The following SLC35F3 variants were observed in gnomAD, a reference collection of about 807,000 sequenced individuals.
The protein encoded by SLC35F3 is putative thiamine transporter SLC35F3.
SLC35F3 carries 25 observed loss-of-function variants against 49.9 expected under a neutral mutation model. The observed-to-expected ratio is 0.50, with a 90% CI of 0.37 to 0.70. The LOEUF is 0.70. Among genes scored for constraint, SLC35F3 ranks in the 30% least tolerant of loss-of-function variants. The pLI is 0.00. For synonymous variants in SLC35F3, 275 were observed against 265.4 expected, an observed-to-expected ratio of 1.04 and a Z score of -0.35; for missense variants, 525 against 639.8, an observed-to-expected ratio of 0.82 and a Z score of 1.94.
At chr1:234,086,989 T>A (rs533243525) in intron 2 of SLC35F3, among the ~76,000 whole-genome samples, 1 of 152,250 alleles carries the variant, frequency 6.6e-6, no homozygotes, top group Non-Finnish European at 1.5e-5. Context: ...TTTCATATTG[T>A]ATGCTGAGTC....
intron 2 of SLC35F3, among the ~76,000 whole-genome samples, chr1:233,997,428 A>T (rs1663479119): frequency 6.6e-6 from 1 of 152,128 alleles, no homozygotes; most frequent in Non-Finnish European, 1.5e-5. Context: ...CTTTTTGATG[A>T]TAGTCACTCT....
chr1:234,126,158 G>A (rs1475363885), intron 2 of SLC35F3, among the ~76,000 whole-genome samples: 1 of 152,052 alleles, frequency 6.6e-6, no homozygotes, highest in African/African-American at 2.4e-5. Flanking sequence ...CTGTTGCTGG[G>A]ACTATTTTCT....
chr1:234,136,256 TTCTG>T (rs926537764), intron 2 of SLC35F3, among the ~76,000 whole-genome samples: 67 of 122,008 alleles, frequency 5.5e-4, no homozygotes, highest in Admixed American at 3.1e-3. Context: ...CTCTTTCTTT[TTCTG>T]TCTTTCTTTC....
At chr1:234,041,593 C>CT (rs1664222699) in intron 2 of SLC35F3, among the ~76,000 whole-genome samples, 1 of 151,978 alleles carries the variant, frequency 6.6e-6, no homozygotes, top group Non-Finnish European at 1.5e-5. Context: ...CTGTGGCAGA[C>CT]TTAAAAGAAA....
At chr1:234,042,008 G>C (rs1664228988) in intron 2 of SLC35F3, among the ~76,000 whole-genome samples, 1 of 152,156 alleles carries the variant, frequency 6.6e-6, no homozygotes, top group South Asian at 2.1e-4. Context: ...CATGCATGTA[G>C]AAGTAGGCCA....
In SLC35F3 at chr1:234,251,426, A is replaced by G. The variant is rs538707936; in HGVS notation, c.608+19685A>G. Among the ~76,000 whole-genome samples, 8 of 150,438 alleles carry G rather than the reference A, an allele frequency of 5.3e-5. No individual in the cohort carries two copies. The South Asian group carries it at 1.7e-3, about 32-fold the overall frequency. ...TGGGAACAACAGCCAGGTAGAAACT[A>G]TATATATAGAAGAAAAGAGCCCATT... On this transcript the variant is annotated intron_variant, in intron 3 of 7. Transcript: ENST00000366618.
chr1:233,948,831 C>G (rs13376178), intron 2 of SLC35F3, among the ~76,000 whole-genome samples: 2 of 150,586 alleles, frequency 1.3e-5, no homozygotes, highest in African/African-American at 4.9e-5. Flanking sequence ...TTTGTTCTTG[C>G]GATAGTTTAC....
At chr1:234,155,395 G>GATGATGATTATT (rs113733876) in intron 2 of SLC35F3, among the ~76,000 whole-genome samples, 27 of 149,344 alleles carry the variant, frequency 1.8e-4, no homozygotes, top group African/African-American at 6.0e-4. Flanking sequence ...CTATTCACCT[G>GATGATGATTATT]ATTATTATTA....
chr1:234,036,839 G>A (rs891044113), intron 2 of SLC35F3, among the ~76,000 whole-genome samples: 26 of 152,178 alleles, frequency 1.7e-4, no homozygotes, highest in African/African-American at 6.3e-4. Context: ...AGTATAATTA[G>A]TTTGGTTCTC....
intron 2 of SLC35F3, among the ~76,000 whole-genome samples, chr1:234,224,930 C>G (rs1667263762): frequency 1.3e-5 from 2 of 152,224 alleles, no homozygotes; most frequent in African/African-American, 4.8e-5. Flanking sequence ...TTTTCCTTTA[C>G]CCACGGTCAA....
intron 2 of SLC35F3, among the ~76,000 whole-genome samples, chr1:233,962,175 A>T (rs1662815193): frequency 6.6e-6 from 1 of 152,244 alleles, no homozygotes; most frequent in Non-Finnish European, 1.5e-5. Flanking sequence ...GCATGTGCTT[A>T]CAGATATTTT....
chr1:234,035,987 G>A (rs1273807661), intron 2 of SLC35F3, among the ~76,000 whole-genome samples: 1 of 152,116 alleles, frequency 6.6e-6, no homozygotes, highest in African/African-American at 2.4e-5. Context: ...TTAGGAGCAG[G>A]GCACTATAAA....
chr1:233,919,693 A>G (rs899737734), intron 2 of SLC35F3, among the ~76,000 whole-genome samples: 20 of 151,952 alleles, frequency 1.3e-4, no homozygotes, highest in Non-Finnish European at 2.1e-4. Flanking sequence ...TTATCTTCCT[A>G]TTATATTTTG....
chr1:234,062,666 T>A (rs1418173374), intron 2 of SLC35F3, among the ~76,000 whole-genome samples: 1 of 152,024 alleles, frequency 6.6e-6, no homozygotes, highest in African/African-American at 2.4e-5. Context: ...TTCTTTTCTT[T>A]CATCCATGAG....
At position 234,315,171 on chromosome 1, in the gene SLC35F3, C is replaced by T. The variant is rs761075015; in HGVS notation, c.829-1431C>T. Among the ~76,000 whole-genome samples the T allele has an allele frequency of 1.5e-3, 230 of 152,274 alleles. 2 individuals are homozygous for T. The highest frequency in any genetic ancestry group is 3.8e-3 in the Admixed American group (58 of 15,302). On this transcript the variant is annotated intron_variant, in intron 4 of 7. Transcript: ENST00000366618. The stretch of plus-strand genomic sequence containing the variant: ...GAACACGCAGACAGATTGGGCCAGG[C>T]AGTGCTCTCTTACACGACAACCACC...
intron 2 of SLC35F3, among the ~76,000 whole-genome samples, chr1:234,052,668 T>C (rs574296799): frequency 3.9e-5 from 6 of 152,350 alleles, no homozygotes; most frequent in Admixed American, 3.9e-4. Flanking sequence ...AGTTATTTCT[T>C]GCCTTCTGCT....
chr1:234,122,211 A>G (rs947741576), intron 2 of SLC35F3, among the ~76,000 whole-genome samples: 2 of 152,262 alleles, frequency 1.3e-5, no homozygotes, highest in African/African-American at 4.8e-5. Context: ...TATTGACTTT[A>G]ACATTATCCC....
At chr1:234,015,859 A>G (rs1175444066) in intron 2 of SLC35F3, among the ~76,000 whole-genome samples, 1 of 152,230 alleles carries the variant, frequency 6.6e-6, no homozygotes, top group Non-Finnish European at 1.5e-5. Context: ...TAAAGTGAGG[A>G]CACAGTCTAC....
At chr1:234,155,422 T>TA (rs1180253714) in intron 2 of SLC35F3, among the ~76,000 whole-genome samples, 12 of 150,500 alleles carry the variant, frequency 8.0e-5, no homozygotes, top group African/African-American at 2.7e-4. Flanking sequence ...TTATTATTAT[T>TA]TTTGAGAGAC....
Sources: gnomAD v4.1 joint callset for allele counts (sites outside exome capture counted in the v4.1 genomes callset) on GRCh38, gnomAD v4.1.1 for gene constraint, MANE v1.5 for transcripts, NCBI Gene and HGNC (gene_info 2026-07-23, HGNC 2026-07-21) for gene names.